The following DTD1 variants were observed in gnomAD, a reference collection of about 807,000 sequenced individuals.
DTD1 encodes D-aminoacyl-tRNA deacylase 1.
In DTD1, 13 loss-of-function variants were observed where a neutral mutation model predicts 25.6. The ratio of observed to expected loss-of-function variants is 0.51; its 90% CI spans 0.33 to 0.81. DTD1 has a LOEUF of 0.81. DTD1 is among the 30% of genes least tolerant of loss of function. The pLI is 0.02. For synonymous variants in DTD1, 110 were observed against 103.6 expected (o/e 1.06, Z -0.37); for missense variants, 193 against 266.4 (o/e 0.72, Z 1.92).
rs10583250 is a variant in DTD1, at chr20:18,702,744, CAAAA to C, written c.478-41341_478-41338del. The stretch of plus-strand genomic sequence containing the variant: ...AGTAGAAATCACATCTGGAATGAGG[CAAAA>C]AAAAAAAAAAAAAAGGAACTGTCTA... On this transcript the variant is annotated intron_variant, in intron 4 of 5. Transcript: ENST00000377452. 7.8e-4 allele frequency among the ~76,000 whole-genome samples: 96 copies of C among 123,084 alleles called. 1 individual carries two copies. The highest frequency in any genetic ancestry group is 8.3e-4 in the South Asian group (3 of 3,636). The allele number at this position is 123,084 out of a possible 152,430, so 80.7% of individuals were successfully genotyped here.
intron 4 of DTD1, chr20:18,632,586 T>C: frequency 1.0e-6 from 1 of 985,152 alleles, no homozygotes; most frequent in South Asian, 4.7e-5. Context: ...TTTCTATCAA[T>C]TAAGCTTTTA....
intron 3 of DTD1, 83 bp downstream of exon 3, chr20:18,596,324 TCC>T: frequency 8.7e-7 from 1 of 1,153,442 alleles, no homozygotes; most frequent in Non-Finnish European, 1.2e-6. Context: ...CTGCAGCATC[TCC>T]TTTTCTGGAA....
intron 4 of DTD1, among the ~76,000 whole-genome samples, chr20:18,669,949 C>T (rs2060945761): frequency 6.6e-6 from 1 of 152,140 alleles, no homozygotes; most frequent in Admixed American, 6.5e-5. Context: ...TGACTGCTTC[C>T]CTGTAGGGAT....
chr20:18,692,716 C>T (rs1465868200), intron 4 of DTD1, among the ~76,000 whole-genome samples: 3 of 152,130 alleles, frequency 2.0e-5, no homozygotes, highest in Non-Finnish European at 2.9e-5. Context: ...TGGCACCATA[C>T]GCCTATAAAT....
chr20:18,756,098 G>A (rs1015537758), intron 5 of DTD1, among the ~76,000 whole-genome samples: 40 of 151,880 alleles, frequency 2.6e-4, no homozygotes, highest in African/African-American at 9.0e-4. Flanking sequence ...CATATCCTTC[G>A]CCCACTTTTT....
intron 4 of DTD1, among the ~76,000 whole-genome samples, chr20:18,739,031 G>A (rs186832389): frequency 3.2e-4 from 48 of 152,084 alleles, no homozygotes; most frequent in African/African-American, 9.9e-4. Context: ...GTCCTCTGCA[G>A]TGTGGCCTCA....
chr20:18,761,361 G>C (rs889711198), intron 5 of DTD1, among the ~76,000 whole-genome samples: 1 of 152,018 alleles, frequency 6.6e-6, no homozygotes, highest in Non-Finnish European at 1.5e-5. Context: ...GGCCATCTTG[G>C]CTCCACCTCT....
Position 18,683,812 on chromosome 20 carries a change from C to T in DTD1, c.477+55579C>T, listed in dbSNP as rs114254901. Among the ~76,000 whole-genome samples, 255 of 152,310 alleles carry T rather than the reference C, an allele frequency of 1.7e-3. 1 individual carries two copies. Among genetic ancestry groups the T allele is most frequent in the African/African-American group, 5.9e-3 (244 of 41,576 alleles). On this transcript the variant is annotated intron_variant, in intron 4 of 5. Coordinates refer to ENST00000377452, the MANE Select transcript of DTD1 (RefSeq NM_080820.6). ...GAATTCGAGCAAGCTGACTGGGCGCCGTGCTTCTTGCTTGATTCCAAGGAC... is the reference window on the plus strand; with the variant it reads ...GAATTCGAGCAAGCTGACTGGGCGCTGTGCTTCTTGCTTGATTCCAAGGAC...
intron 2 of DTD1, 78 bp downstream of exon 2, chr20:18,593,899 T>C (rs1416931094): frequency 3.5e-6 from 4 of 1,148,446 alleles, no homozygotes; most frequent in Non-Finnish European, 5.2e-6. Flanking sequence ...TAGTACTTTG[T>C]GCCTGTGAGG....
intron 2 of DTD1, among the ~76,000 whole-genome samples, chr20:18,594,406 A>G (rs1212765629): frequency 6.6e-6 from 1 of 152,162 alleles, no homozygotes; most frequent in African/African-American, 2.4e-5. Context: ...GGCAAACTCG[A>G]CTATAGAAAG....
intron 4 of DTD1, among the ~76,000 whole-genome samples, chr20:18,728,195 G>A (rs1218541901): frequency 6.6e-6 from 1 of 152,176 alleles, no homozygotes; most frequent in African/African-American, 2.4e-5. Context: ...CCCCTCAGCC[G>A]GCAAGAGGGC....
At chr20:18,731,948 C>T (rs2061240288) in intron 4 of DTD1, among the ~76,000 whole-genome samples, 1 of 152,132 alleles carries the variant, frequency 6.6e-6, no homozygotes, top group Admixed American at 6.6e-5. Flanking sequence ...TCTGTGGAGC[C>T]CACTCTCTGG....
At chr20:18,704,569 T>C (rs900639282) in intron 4 of DTD1, among the ~76,000 whole-genome samples, 5 of 152,140 alleles carry the variant, frequency 3.3e-5, no homozygotes, top group Admixed American at 2.0e-4. Flanking sequence ...GTCACTGTTG[T>C]TTTTAAAAGT....
At chr20:18,606,751 G>C (rs1386000112) in intron 3 of DTD1, among the ~76,000 whole-genome samples, 5 of 110,566 alleles carry the variant, frequency 4.5e-5, no homozygotes, top group Non-Finnish European at 7.7e-5. Flanking sequence ...ACACAGGAAG[G>C]GGAATATCAC....
chr20:18,764,425 A>T lies in DTD1; in HGVS notation c.*1085A>T, dbSNP rs1446516261. The stretch of plus-strand genomic sequence containing the variant: ...GACATATGATTTAATAGCTTTATTT[A>T]TATATCTAATAACGCTCGCATATAT... On this transcript the variant is annotated 3_prime_UTR_variant, in exon 6 of 6. Coordinates refer to ENST00000377452, the MANE Select transcript of DTD1 (RefSeq NM_080820.6). 6.6e-6 allele frequency: 1 copy of T among 152,228 alleles called. No homozygotes were observed. The highest frequency in any genetic ancestry group is 1.5e-5 in the Non-Finnish European group (1 of 68,044). The allele number at this position is 152,228 out of a possible 1,614,324, so 9.4% of individuals were successfully genotyped here. A position where few individuals can be genotyped will look rare whatever the true frequency, so the allele number is the denominator to read the frequency against.
intron 5 of DTD1, among the ~76,000 whole-genome samples, chr20:18,751,013 A>C (rs1195064321): frequency 6.6e-6 from 1 of 152,270 alleles, no homozygotes; most frequent in Middle Eastern, 3.4e-3. Flanking sequence ...TTGTCTGAAT[A>C]GTAAGATGTG....
At chr20:18,743,673 C>CAAAAAAAAAAAAAAAAAAAAAAAAAAAAA (rs11474877) in intron 4 of DTD1, among the ~76,000 whole-genome samples, 1 of 105,112 alleles carries the variant, frequency 9.5e-6, no homozygotes, top group Non-Finnish European at 1.9e-5. Context: ...GACCCTGTCT[C>CAAAAAAAAAAAAAAAAAAAAAAAAAAAAA]AAAAAAAAAA....
chr20:18,658,205 G>A (rs1030765983), intron 4 of DTD1, among the ~76,000 whole-genome samples: 1 of 151,808 alleles, frequency 6.6e-6, no homozygotes, highest in Non-Finnish European at 1.5e-5. Context: ...GTGTGTGTGT[G>A]TGTGTGTGTG....
chr20:18,710,698 T>C (rs928997961), intron 4 of DTD1, among the ~76,000 whole-genome samples: 1 of 152,238 alleles, frequency 6.6e-6, no homozygotes, highest in Non-Finnish European at 1.5e-5. Context: ...AAAGATTCAC[T>C]GTACTACTTC....
Sources: gnomAD v4.1 joint callset for allele counts (sites outside exome capture counted in the v4.1 genomes callset) on GRCh38, gnomAD v4.1.1 for gene constraint, MANE v1.5 for transcripts, NCBI Gene and HGNC (gene_info 2026-07-23, HGNC 2026-07-21) for gene names.